The following MCTP1 variants were observed in gnomAD, a reference collection of about 807,000 sequenced individuals.
MCTP1 encodes the protein multiple C2 and transmembrane domain-containing protein 1.
In MCTP1, 69 loss-of-function variants were observed where a neutral mutation model predicts 120.6. The ratio of observed to expected loss-of-function variants is 0.57; its 90% CI spans 0.47 to 0.70. The LOEUF is 0.70. Among genes scored for constraint, MCTP1 ranks in the 30% least tolerant of loss-of-function variants. The pLI is 0.00. For missense variants in MCTP1, 1,203 were observed against 1,248.8 expected, an observed-to-expected ratio of 0.96 and a Z score of 0.55; for synonymous variants, 529 against 493.1, an observed-to-expected ratio of 1.07 and a Z score of -0.96.
chr5:95,088,193 C>G (rs1383472845), intron 1 of MCTP1, among the ~76,000 whole-genome samples: 2 of 152,158 alleles, frequency 1.3e-5, no homozygotes, highest in African/African-American at 4.8e-5. Flanking sequence ...TGGGCCAGAC[C>G]ACAGACAGTG....
rs201582128 is a variant in MCTP1, at chr5:95,077,777, G to A, written c.721-60293C>T. The stretch of plus-strand genomic sequence containing the variant: ...GTGAGCCACTGCGCCTGGCCAGTTC[G>A]TTATATATAATTTTAAAAACTAACA... On this transcript the variant is annotated intron_variant, in intron 1 of 22. Coordinates refer to ENST00000515393, the MANE Select transcript of MCTP1 (RefSeq NM_024717.7). Among the ~76,000 whole-genome samples the A allele has an allele frequency of 2.2e-4, 34 of 152,154 alleles. No individual in the cohort carries two copies. In the South Asian group the frequency reaches 4.2e-3, roughly 19 times the overall value.
At chr5:94,894,274 A>G (rs2153401687) in intron 11 of MCTP1, among the ~76,000 whole-genome samples, 2 of 152,348 alleles carry the variant, frequency 1.3e-5, no homozygotes, top group East Asian at 3.9e-4. Context: ...CATTAACTCC[A>G]TCGCAAACTT....
intron 1 of MCTP1, among the ~76,000 whole-genome samples, chr5:95,203,587 G>A (rs1490155521): frequency 6.6e-6 from 1 of 152,090 alleles, no homozygotes; most frequent in Non-Finnish European, 1.5e-5. Flanking sequence ...CTTCACTTAT[G>A]TCTCCTATAG....
chr5:94,974,516 T>C (rs1490561215), intron 2 of MCTP1, among the ~76,000 whole-genome samples: 1 of 151,874 alleles, frequency 6.6e-6, no homozygotes, highest in African/African-American at 2.4e-5. Context: ...GCCACTGTAC[T>C]CCAGCCTGGG....
chr5:95,254,330 T>C (rs941194141), intron 1 of MCTP1, among the ~76,000 whole-genome samples: 2 of 152,146 alleles, frequency 1.3e-5, no homozygotes, highest in African/African-American at 4.8e-5. Flanking sequence ...ACAGTACCCC[T>C]ATGAGACAAT....
At chr5:94,862,209 T>C (rs1180324712) in intron 17 of MCTP1, among the ~76,000 whole-genome samples, 1 of 148,614 alleles carries the variant, frequency 6.7e-6, no homozygotes, top group African/African-American at 2.5e-5. Context: ...AGAGCAGCGA[T>C]CATAGGAAAC....
chr5:95,161,772 T>C lies in MCTP1; in HGVS notation c.720+122084A>G, dbSNP rs188601611. 6.4e-4 allele frequency among the ~76,000 whole-genome samples: 97 copies of C among 152,284 alleles called. 1 individual carries two copies. The highest frequency in any genetic ancestry group is 2.2e-3 in the African/African-American group (91 of 41,570). On this transcript the variant is annotated intron_variant, in intron 1 of 22. Coordinates refer to ENST00000515393, the MANE Select transcript of MCTP1 (RefSeq NM_024717.7). ...ATGAGGCACAGAAAGGGTGAGTAAC[T>C]TATCAAAGTTCACCAACTAGAAAAT...
chr5:94,911,688 A>G (rs1383247768), intron 9 of MCTP1, among the ~76,000 whole-genome samples: 1 of 152,242 alleles, frequency 6.6e-6, no homozygotes, highest in African/African-American at 2.4e-5. Flanking sequence ...AGTTCTTTAT[A>G]GAAGTGTGAG....
At chr5:95,128,584 G>T (rs990758650) in intron 1 of MCTP1, among the ~76,000 whole-genome samples, 2 of 152,208 alleles carry the variant, frequency 1.3e-5, no homozygotes, top group Non-Finnish European at 2.9e-5. Context: ...GCCACGTATT[G>T]TATGATTCCA....
chr5:95,157,317 T>C (rs1267997544), intron 1 of MCTP1, among the ~76,000 whole-genome samples: 1 of 152,098 alleles, frequency 6.6e-6, no homozygotes, highest in Admixed American at 6.5e-5. Flanking sequence ...GGTACTGCTA[T>C]AGAAGGTCCT....
At chr5:94,748,351 T>C (rs1308461701) in intron 19 of MCTP1, among the ~76,000 whole-genome samples, 3 of 152,200 alleles carry the variant, frequency 2.0e-5, no homozygotes, top group African/African-American at 4.8e-5. Flanking sequence ...TACTGAAACA[T>C]TGTCGAGACA....
chr5:95,037,294 G>T (rs1841502861), intron 1 of MCTP1, among the ~76,000 whole-genome samples: 1 of 152,152 alleles, frequency 6.6e-6, no homozygotes. Flanking sequence ...CATTTAAAAT[G>T]GTTCTTATGG....
At chr5:94,740,841 A>G (rs1308512367) in intron 19 of MCTP1, among the ~76,000 whole-genome samples, 1 of 152,202 alleles carries the variant, frequency 6.6e-6, no homozygotes, top group Non-Finnish European at 1.5e-5. Context: ...GACTCTATTA[A>G]CTTTGGGAAG....
intron 19 of MCTP1, among the ~76,000 whole-genome samples, chr5:94,758,333 C>T (rs567182794): frequency 6.6e-6 from 1 of 152,124 alleles, no homozygotes; most frequent in Non-Finnish European, 1.5e-5. Context: ...GTGGCACATG[C>T]CTATAGTCCT....
At chr5:95,174,813 G>A (rs1047203279) in intron 1 of MCTP1, among the ~76,000 whole-genome samples, 9 of 152,234 alleles carry the variant, frequency 5.9e-5, no homozygotes, top group South Asian at 4.1e-4. Flanking sequence ...AAAATAAAAC[G>A]AAAGTCTCCA....
At chr5:94,712,064 T>C (rs1365511305) in intron 20 of MCTP1, among the ~76,000 whole-genome samples, 1 of 152,118 alleles carries the variant, frequency 6.6e-6, no homozygotes, top group East Asian at 1.9e-4. Context: ...AACAAACATA[T>C]CATGTCCTCT....
intron 10 of MCTP1, among the ~76,000 whole-genome samples, chr5:94,903,172 T>C (rs1805958044): frequency 6.6e-6 from 1 of 152,070 alleles, no homozygotes; most frequent in Admixed American, 6.5e-5. Context: ...TAAAATACAA[T>C]GTTTTTTTTA....
At chr5:95,183,135 A>T (rs1174611956) in intron 1 of MCTP1, among the ~76,000 whole-genome samples, 2 of 152,236 alleles carry the variant, frequency 1.3e-5, no homozygotes, top group Non-Finnish European at 1.5e-5. Flanking sequence ...CCAGAAATAG[A>T]TCCATACATA....
intron 17 of MCTP1, among the ~76,000 whole-genome samples, chr5:94,830,038 G>A (rs146961565): frequency 1.2e-3 from 186 of 152,322 alleles, no homozygotes; most frequent in African/African-American, 4.2e-3. Flanking sequence ...CTCAGCAGAG[G>A]CAGCATTCGG....
Sources: allele counts gnomAD v4.1 joint callset (sites outside exome capture counted in the v4.1 genomes callset), GRCh38; gene constraint gnomAD v4.1.1; transcripts MANE v1.5; gene names NCBI Gene and HGNC (gene_info 2026-07-23, HGNC 2026-07-21).